The following RTF2 variants were observed in gnomAD, a reference collection of about 807,000 sequenced individuals.
RTF2 encodes UPF0549 protein C20orf43.
RTF2 carries 18 observed loss-of-function variants against 38.0 expected under a neutral mutation model. The observed-to-expected ratio is 0.47, with a 90% CI of 0.33 to 0.70. The LOEUF (loss-of-function observed/expected upper bound fraction) is 0.70. Ranked by LOEUF, RTF2 falls within the 30% of genes least tolerant of loss-of-function variation. The probability of loss-of-function intolerance (pLI) is 0.02; values close to 1 mark genes in which losing one functional copy is unlikely to be tolerated. For synonymous variants in RTF2, 126 were observed against 137.1 expected, an observed-to-expected ratio of 0.92 and a Z score of 0.57; for missense variants, 311 against 379.6, an observed-to-expected ratio of 0.82 and a Z score of 1.50.
rs1319588156 is a variant in RTF2 at position 56,476,991 on chromosome 20, A to T, written c.265A>T (p.Thr89Ser). The T allele has an allele frequency of 8.1e-6, 13 of 1,613,860 alleles. No individual in the cohort carries two copies. The highest frequency in any genetic ancestry group is 1.1e-5 in the Non-Finnish European group (13 of 1,179,888). The part of the protein sequence containing the change: ...ASHIKSIKNV[T>S]ELKLSDNPAW... ...TATTAATGGTTTTTCCCAGAATGTGACAGAGCTGAAGCTTTCTGATAATCC... is the reference window on the plus strand; with the variant it reads ...TATTAATGGTTTTTCCCAGAATGTGTCAGAGCTGAAGCTTTCTGATAATCC... The change falls in exon 4 of 9, where the codon ACA becomes TCA. Residue 89 changes from threonine to serine, a missense_variant. Coordinates refer to ENST00000357348, the MANE Select transcript of RTF2 (RefSeq NM_016407.5).
chr20:56,495,601 C>T (rs1307350780), intron 5 of RTF2, among the ~76,000 whole-genome samples: 3 of 152,178 alleles, frequency 2.0e-5, no homozygotes, highest in Admixed American at 1.3e-4. Context: ...TACTCCCTTG[C>T]TGTATGCAGA....
At chr20:56,480,814 A>G (rs1982492769) in intron 4 of RTF2, among the ~76,000 whole-genome samples, 1 of 152,216 alleles carries the variant, frequency 6.6e-6, no homozygotes, top group Non-Finnish European at 1.5e-5. Context: ...ACACACATTT[A>G]TTAATTGAGT....
intron 5 of RTF2, chr20:56,495,101 T>A: frequency 1.2e-6 from 1 of 832,850 alleles, no homozygotes; most frequent in South Asian, 1.6e-5. Flanking sequence ...CAGATTACTT[T>A]AAACATGATC....
intron 5 of RTF2, among the ~76,000 whole-genome samples, chr20:56,488,403 G>A (rs763352630): frequency 2.6e-5 from 4 of 150,978 alleles, no homozygotes; most frequent in Non-Finnish European, 2.9e-5. Flanking sequence ...GTTGTGATCC[G>A]TAGCATTGGA....
intron 4 of RTF2, among the ~76,000 whole-genome samples, chr20:56,482,865 G>C (rs1240178647): frequency 1.3e-5 from 2 of 152,102 alleles, no homozygotes; most frequent in Non-Finnish European, 2.9e-5. Context: ...GATGTTTAAT[G>C]CTCCCTCCCC....
At chr20:56,497,865 A>G (rs1983660793) in intron 5 of RTF2, among the ~76,000 whole-genome samples, 1 of 152,200 alleles carries the variant, frequency 6.6e-6, no homozygotes, top group African/African-American at 2.4e-5. Context: ...AATTGCCGAT[A>G]CGCCTTCTGT....
At chr20:56,472,179 C>T (rs1982005085) in intron 1 of RTF2, 2 of 534,166 alleles carry the variant, frequency 3.7e-6, no homozygotes. Context: ...TGTGATTGTG[C>T]CACTGCAGCC....
intron 5 of RTF2, among the ~76,000 whole-genome samples, chr20:56,494,470 C>G (rs1434793098): frequency 6.6e-6 from 1 of 152,184 alleles, no homozygotes; most frequent in Non-Finnish European, 1.5e-5. Flanking sequence ...CATTTACTGA[C>G]TAGTCCTGAC....
At position 56,517,095 on chromosome 20, in the gene RTF2, T is replaced by G. The variant is rs752062925; in HGVS notation, c.647-11T>G. On this transcript the variant is annotated splice_polypyrimidine_tract_variant and intron_variant, in intron 7 of 8. Coordinates refer to ENST00000357348, the MANE Select transcript of RTF2 (RefSeq NM_016407.5). ...ATTGTTTTTGCTTTGCCTACTTTGT[T>G]TCTTTTACAGAAGCCCCAGGGCCAT... The G allele has an allele frequency of 2.0e-5, 32 of 1,613,924 alleles. No individual in the cohort carries two copies. The highest frequency in any genetic ancestry group is 3.3e-5 in the Admixed American group (2 of 59,998).
intron 1 of RTF2, 103 bp downstream of exon 1, chr20:56,468,869 C>G: frequency 2.2e-6 from 2 of 925,752 alleles, no homozygotes; most frequent in Non-Finnish European, 3.3e-6. Context: ...AGTTCCAGAC[C>G]TGGCTGCGGT....
intron 5 of RTF2, among the ~76,000 whole-genome samples, chr20:56,486,608 C>T (rs1261711099): frequency 6.6e-6 from 1 of 152,098 alleles, no homozygotes; most frequent in East Asian, 1.9e-4. Flanking sequence ...AAGATTGTGC[C>T]ACTGCATTCC....
At chr20:56,516,535 T>G (rs1304153030) in intron 6 of RTF2, 1 of 182,020 alleles carries the variant, frequency 5.5e-6, no homozygotes, top group Non-Finnish European at 1.1e-5. Flanking sequence ...TAGTTGGTGT[T>G]TATGCTGGCT....
At chr20:56,513,485 A>G in intron 6 of RTF2, 57 bp downstream of exon 6, 4 of 1,547,886 alleles carry the variant, frequency 2.6e-6, no homozygotes, top group Non-Finnish European at 3.5e-6. Flanking sequence ...AGCCGACTGC[A>G]AATCACTGAA....
intron 5 of RTF2, 75 bp downstream of exon 5, chr20:56,484,264 C>G: frequency 8.2e-7 from 1 of 1,221,552 alleles, no homozygotes; most frequent in Non-Finnish European, 1.2e-6. Flanking sequence ...CCTTTCCCTC[C>G]ATTTGTTCTT....
chr20:56,491,687 G>A lies in RTF2; in HGVS notation c.477+7498G>A, dbSNP rs912789049. On this transcript the variant is annotated intron_variant, in intron 5 of 8. Transcript: ENST00000357348. ...TAAGCAGGTAACCACAAGCGGGTCTGTCGAGGGTTCGAATTTGTTGGCAAA... is the reference window on the plus strand; with the variant it reads ...TAAGCAGGTAACCACAAGCGGGTCTATCGAGGGTTCGAATTTGTTGGCAAA... 4 of 1,552,182 alleles carry A rather than the reference G, an allele frequency of 2.6e-6. No homozygotes were observed. In the African/African-American group the frequency reaches 5.5e-5, roughly 21 times the overall value.
At chr20:56,473,428 G>T (rs762237143) in intron 2 of RTF2, 33 bp downstream of exon 2, 8 of 1,430,016 alleles carry the variant, frequency 5.6e-6, no homozygotes, top group African/African-American at 3.9e-5. Context: ...AGATGAGTTT[G>T]TTAAGTGATT....
chr20:56,486,308 T>G (rs762855710), intron 5 of RTF2, among the ~76,000 whole-genome samples: 9 of 152,186 alleles, frequency 5.9e-5, no homozygotes, highest in Non-Finnish European at 1.2e-4. Flanking sequence ...TAACTTGATA[T>G]TTATGGCAAA....
At chr20:56,499,532 G>T (rs577851089) in intron 5 of RTF2, among the ~76,000 whole-genome samples, 1 of 152,060 alleles carries the variant, frequency 6.6e-6, no homozygotes, top group South Asian at 2.1e-4. Flanking sequence ...TTTTATATGA[G>T]ATTTCTAAAT....
At chr20:56,488,590 G>A (rs1470710559) in intron 5 of RTF2, among the ~76,000 whole-genome samples, 1 of 152,258 alleles carries the variant, frequency 6.6e-6, no homozygotes, top group Non-Finnish European at 1.5e-5. Context: ...GTCGTCAGAA[G>A]TGGTCAGTGC....
Sources: gnomAD v4.1 joint callset for allele counts (sites outside exome capture counted in the v4.1 genomes callset) on GRCh38, gnomAD v4.1.1 for gene constraint, MANE v1.5 for transcripts, NCBI Gene and HGNC (gene_info 2026-07-23, HGNC 2026-07-21) for gene names.